Variants in TXNRD2 observed in about 807,000 individuals in gnomAD.
TXNRD2 encodes thioredoxin reductase 2, mitochondrial.
Under a neutral mutation model 70.8 loss-of-function variants are expected in TXNRD2, and 67 were observed. The ratio of observed to expected loss-of-function variants is 0.95; its 90% CI spans 0.78 to 1.16. The LOEUF is 1.16. Ranked by LOEUF, TXNRD2 falls within the 50% of genes most tolerant of loss-of-function variation. The pLI is 0.00. For missense variants in TXNRD2, 644 were observed against 719.9 expected (o/e 0.89, Z 1.21); for synonymous variants, 301 against 295.8 (o/e 1.02, Z -0.18).
chr22:19,920,938 TA>T (rs200118529), intron 2 of TXNRD2, among the ~76,000 whole-genome samples: 3,650 of 151,742 alleles, frequency 0.024, 59 homozygotes, highest in African/African-American at 0.04. Flanking sequence ...CTGTCTCTAC[TA>T]AAAAATACAA....
At chr22:19,905,232 G>T (rs1278199203) in intron 8 of TXNRD2, among the ~76,000 whole-genome samples, 1 of 152,124 alleles carries the variant, frequency 6.6e-6, no homozygotes, top group Non-Finnish European at 1.5e-5. Context: ...CATAAATCAT[G>T]CTCAGAATGA....
chr22:19,933,154 G>C (rs1249994186), intron 1 of TXNRD2, among the ~76,000 whole-genome samples: 1 of 152,242 alleles, frequency 6.6e-6, no homozygotes, highest in East Asian at 1.9e-4. Context: ...CTGAGTGCAC[G>C]TGAGATGTGT....
intron 15 of TXNRD2, 88 bp from the exon 16 acceptor site, chr22:19,878,275 T>A: frequency 6.3e-7 from 1 of 1,587,666 alleles, no homozygotes; most frequent in Non-Finnish European, 8.6e-7. Context: ...CTGGGAGGCA[T>A]GGGTGGGGCC....
chr22:19,927,002 A>G (rs556475121), intron 2 of TXNRD2, among the ~76,000 whole-genome samples: 1 of 152,248 alleles, frequency 6.6e-6, no homozygotes, highest in South Asian at 2.1e-4. Context: ...TTCAATAAAT[A>G]TAATCCCTTG....
Position 19,902,576 on chromosome 22 carries a change from C to T in TXNRD2, c.663-3508G>A, listed in dbSNP as rs571929861. Among the ~76,000 whole-genome samples the T allele has an allele frequency of 9.8e-5, 15 of 152,316 alleles. No homozygotes were observed. The South Asian group carries it at 2.3e-3, about 23-fold the overall frequency. The stretch of plus-strand genomic sequence containing the variant: ...AGGCAGCACAGGGCTGGGGGTGCTA[C>T]GAAGGCCTCCTTCCCCGGCTTGGCT... On this transcript the variant is annotated intron_variant, in intron 8 of 17. Coordinates refer to ENST00000400521, the MANE Select transcript of TXNRD2 (RefSeq NM_006440.5).
At chr22:19,877,372 C>A in intron 16 of TXNRD2, 138 bp from the exon 17 acceptor site, 1 of 763,896 alleles carries the variant, frequency 1.3e-6, no homozygotes, top group South Asian at 1.7e-5. Flanking sequence ...GCAGCCAGGA[C>A]CCCTGCCCAC....
intron 11 of TXNRD2, among the ~76,000 whole-genome samples, chr22:19,885,061 CT>C (rs991658430): frequency 9.2e-5 from 14 of 152,316 alleles, no homozygotes; most frequent in African/African-American, 2.2e-4. Context: ...CAGCTGCCCC[CT>C]GCCAGTCTCC....
chr22:19,879,290 C>T (rs56379514), intron 14 of TXNRD2, among the ~76,000 whole-genome samples: 1,849 of 152,302 alleles, frequency 0.012, 11 homozygotes, highest in Middle Eastern at 0.048. Context: ...CAGGCCCCAC[C>T]GCCCAGGCTG....
intron 14 of TXNRD2, among the ~76,000 whole-genome samples, chr22:19,879,374 A>G (rs2145929689): frequency 6.6e-6 from 1 of 152,180 alleles, no homozygotes; most frequent in Non-Finnish European, 1.5e-5. Context: ...GCTTCCAGCT[A>G]CCACGGCCCG....
chr22:19,923,361 C>T (rs1355646835), intron 2 of TXNRD2, among the ~76,000 whole-genome samples: 2 of 152,150 alleles, frequency 1.3e-5, no homozygotes, highest in African/African-American at 2.4e-5. Context: ...CTTCTCCAAA[C>T]CTCTGTTCAG....
intron 1 of TXNRD2, among the ~76,000 whole-genome samples, chr22:19,935,499 A>G (rs979335850): frequency 2.6e-5 from 4 of 152,162 alleles, no homozygotes; most frequent in Non-Finnish European, 4.4e-5. Context: ...CCTCAGAAGC[A>G]TGTGATCTTT....
chr22:19,929,722 G>C (rs546922043), intron 2 of TXNRD2, among the ~76,000 whole-genome samples: 21 of 152,316 alleles, frequency 1.4e-4, no homozygotes, highest in Non-Finnish European at 2.4e-4. Flanking sequence ...TGTTATGGCA[G>C]TCTGTTTATT....
At chr22:19,911,566 A>G (rs981357834) in intron 7 of TXNRD2, 119 bp from the exon 8 acceptor site, 8 of 781,522 alleles carry the variant, frequency 1.0e-5, no homozygotes, top group African/African-American at 8.6e-5. Flanking sequence ...ACACATGCAC[A>G]GGGCTTCCCT....
intron 1 of TXNRD2, among the ~76,000 whole-genome samples, chr22:19,932,808 A>G (rs1941415854): frequency 6.6e-6 from 1 of 152,194 alleles, no homozygotes; most frequent in African/African-American, 2.4e-5. Context: ...GGTCTGTCAT[A>G]CAAGGCTGGG....
intron 16 of TXNRD2, 69 bp from the exon 17 acceptor site, chr22:19,877,303 CG>C: frequency 6.9e-7 from 1 of 1,443,096 alleles, no homozygotes; most frequent in Non-Finnish European, 9.7e-7. Flanking sequence ...ATCCCACCCC[CG>C]GGAAGAGGAG....
intron 9 of TXNRD2, 92 bp from the exon 10 acceptor site, chr22:19,898,222 C>G: frequency 2.5e-6 from 3 of 1,198,620 alleles, no homozygotes; most frequent in Non-Finnish European, 3.6e-6. Context: ...CCACACCCCA[C>G]CCATCCATGG....
chr22:19,932,358 T>C (rs1268148104), intron 1 of TXNRD2: 1 of 1,612,546 alleles, frequency 6.2e-7, no homozygotes, highest in Non-Finnish European at 8.5e-7. Context: ...TCGCCTCACC[T>C]TGGTCCTCCA....
At chr22:19,878,227 C>T (rs1938598193) in intron 15 of TXNRD2, 40 bp from the exon 16 acceptor site, 3 of 1,606,174 alleles carry the variant, frequency 1.9e-6, no homozygotes, top group Non-Finnish European at 2.6e-6. Context: ...CAGGAGGGGG[C>T]TGGGTTGCGT....
rs148050759 is a variant in TXNRD2, at chr22:19,900,778, A to G, written c.663-1710T>C. Among the ~76,000 whole-genome samples, 303 of 151,550 alleles carry G rather than the reference A, an allele frequency of 2.0e-3. 1 individual carries two copies. The highest frequency in any genetic ancestry group is 6.6e-3 in the African/African-American group (274 of 41,294). On this transcript the variant is annotated intron_variant, in intron 8 of 17. Transcript: ENST00000400521. ...AAAAAAAAAAAGATATGAAGTTATG[A>G]GTTACTGCAAATATAAACAGAACTC...
Sources: gnomAD v4.1 joint callset for allele counts (sites outside exome capture counted in the v4.1 genomes callset) on GRCh38, gnomAD v4.1.1 for gene constraint, MANE v1.5 for transcripts, NCBI Gene and HGNC (gene_info 2026-07-23, HGNC 2026-07-21) for gene names.